Variants in OBSL1 observed in about 807,000 individuals in gnomAD.
OBSL1 encodes the protein obscurin like cytoskeletal adaptor 1.
A neutral mutation model predicts 172.0 loss-of-function variants in OBSL1; 160 were observed. The observed-to-expected ratio is 0.93, with a 90% CI of 0.82 to 1.06. OBSL1 has a LOEUF of 1.06. Among genes scored for constraint, OBSL1 ranks in the 50% least tolerant of loss-of-function variants. The probability of loss-of-function intolerance (pLI) is 0.00; values close to 1 mark genes in which losing one functional copy is unlikely to be tolerated. For missense variants in OBSL1, 2,681 were observed against 2,715.4 expected, an observed-to-expected ratio of 0.99 and a Z score of 0.28; for synonymous variants, 1,200 against 1,196.3, an observed-to-expected ratio of 1.00 and a Z score of -0.06.
At position 219,562,645 on chromosome 2, in the gene OBSL1, C is replaced by A; in HGVS notation, c.2710G>T (p.Gly904Cys). 3 of 1,567,532 alleles carry A rather than the reference C, an allele frequency of 1.9e-6. No individual in the cohort carries two copies. The highest frequency in any genetic ancestry group is 2.6e-6 in the Non-Finnish European group (3 of 1,157,088). The part of the protein sequence containing the change: ...DVSSWIVYPS[G>C]KVYVAAVRLE... ...CGCACGGCTGCCACATACACCTTGC[C>A]GCTGGGATACACGATCCACGAGGAG... is the stretch of plus-strand genomic sequence containing the variant. Residue 904 changes from glycine to cysteine, a missense_variant, in exon 8 of 21, where the codon GGC becomes TGC. Around this residue, in one of 5 missense-constraint regions of OBSL1, gnomAD observed 1,765 missense variants for 1,748.3 expected, o/e 1.01. Coordinates refer to ENST00000404537, the MANE Select transcript of OBSL1 (RefSeq NM_015311.3).
intron 17 of OBSL1, 58 bp from the exon 18 acceptor site, chr2:219,552,755 C>T (rs1695726339): frequency 2.0e-6 from 3 of 1,511,458 alleles, no homozygotes; most frequent in Admixed American, 2.0e-5. Context: ...CCGGTCACGC[C>T]CCCTCCACGC....
chr2:219,563,174 GA>G, intron 7 of OBSL1, 180 bp downstream of exon 7: 1 of 630,352 alleles, frequency 1.6e-6, no homozygotes, highest in South Asian at 2.4e-5. Context: ...ATGTGCTTAT[GA>G]TAACACGTTT....
At chr2:219,549,381 G>A (rs1372832041), downstream of OBSL1, 2 of 1,595,804 alleles carry the variant, frequency 1.3e-6, no homozygotes, top group Admixed American at 1.7e-5. Flanking sequence ...CATCCAGCCA[G>A]AATGAGAAGG....
chr2:219,553,860 G>A (rs1248456920), intron 15 of OBSL1, among the ~76,000 whole-genome samples, 174 bp from the exon 16 acceptor site: 1 of 151,318 alleles, frequency 6.6e-6, no homozygotes, highest in African/African-American at 2.4e-5. Flanking sequence ...TGGGGGGGAT[G>A]TAGGTGGGCA....
At chr2:219,570,115 C>T in intron 1 of OBSL1, 106 bp downstream of exon 1, 2 of 1,023,444 alleles carry the variant, frequency 2.0e-6, no homozygotes, top group Non-Finnish European at 2.7e-6. Context: ...CGCGGACCAC[C>T]TCTCCTCCAG....
At position 219,566,881 on chromosome 2, in the gene OBSL1, C is replaced by T; in HGVS notation, c.2083G>A (p.Val695Ile). The T allele has an allele frequency of 6.2e-7, 1 of 1,600,974 alleles. No homozygotes were observed. The highest frequency in any genetic ancestry group is 8.6e-7 in the Non-Finnish European group (1 of 1,169,080). Residue 695 changes from valine to isoleucine, a missense_variant, in exon 5 of 21, where the codon GTC becomes ATC. Physicochemically the swap from Val to Ile is conservative, Grantham distance 29. Transcript: ENST00000404537. The part of the protein sequence containing the change: ...AVKHQDSGAL[V>I]GFSCPGVQDS... Reference sequence around the variant, plus strand: ...TGCACGCCGGGGCAGCTGAAGCCGACCAGGGCACCGCTGTCCTGGTGCTTG... The same window carrying T: ...TGCACGCCGGGGCAGCTGAAGCCGATCAGGGCACCGCTGTCCTGGTGCTTG...
intron 7 of OBSL1, 63 bp from the exon 8 acceptor site, chr2:219,562,737 C>T (rs1218295767): frequency 8.1e-6 from 12 of 1,480,858 alleles, no homozygotes; most frequent in East Asian, 5.0e-5. Flanking sequence ...TCCCTGACCC[C>T]GTTGTGTTCC....
intron 8 of OBSL1, chr2:219,562,039 T>C: frequency 2.8e-6 from 2 of 716,586 alleles, no homozygotes; most frequent in Non-Finnish European, 5.2e-6. Context: ...ATGTGTGGAA[T>C]GCGCAGGGCC....
Position 219,559,516 on chromosome 2 carries a change from C to A in OBSL1, c.2954-19G>T. The A allele has an allele frequency of 6.3e-7, 1 of 1,597,462 alleles. No homozygotes were observed. The highest frequency in any genetic ancestry group is 1.3e-5 in the African/African-American group (1 of 74,780). ...GGGGGTTCTGCAGGGTGGGGACAAC[C>A]ACAGCCTGTCACAAGCTCACCGTCA... On this transcript the variant is annotated intron_variant, in intron 8 of 20. Transcript: ENST00000404537.
chr2:219,565,480 C>A lies in OBSL1; in HGVS notation c.2169G>T (p.Arg723Ser). ...SPVHILSPQD[R>S]VSLTFTTSER... ...CTGAGGTTGTGAAGGTCAACGACAC[C>A]CTGTCCTGGGGGCTCAGGATGTGCA... The change falls in exon 6 of 21, where the codon AGG (arginine) becomes AGT (serine). Residue 723 changes from arginine (R) to serine (S), a missense_variant. Arg to Ser is a moderately radical substitution (Grantham distance 110). Transcript: ENST00000404537. The A allele has an allele frequency of 6.2e-7, 1 of 1,611,990 alleles. No individual in the cohort carries two copies.
At position 219,557,997 on chromosome 2, in the gene OBSL1, A is replaced by C; in HGVS notation, c.3616T>G (p.Trp1206Gly). Residue 1206 changes from tryptophan (W) to glycine (G), a missense_variant, in exon 11 of 21, where the codon TGG becomes GGG. Trp to Gly is a radical substitution (Grantham distance 184). Around this residue, in one of 5 missense-constraint regions of OBSL1, gnomAD observed 1,765 missense variants for 1,748.3 expected, o/e 1.01. Coordinates refer to ENST00000404537, the MANE Select transcript of OBSL1 (RefSeq NM_015311.3). ...TGCACGGGCCTCCCATTGTGGCTCCAGACCACGGGGGCGCCAGCCCGGGAC... is the reference window on the plus strand; with the variant it reads ...TGCACGGGCCTCCCATTGTGGCTCCCGACCACGGGGGCGCCAGCCCGGGAC... ...ELSRAGAPVV[W>G]SHNGRPVQEG... The C allele has an allele frequency of 6.2e-7, 1 of 1,612,020 alleles. No homozygotes were observed. Among genetic ancestry groups the C allele is most frequent in the African/African-American group, 1.3e-5 (1 of 75,034 alleles).
intron 5 of OBSL1, 60 bp downstream of exon 5, chr2:219,566,770 G>T: frequency 6.8e-7 from 1 of 1,480,696 alleles, no homozygotes; most frequent in Non-Finnish European, 9.1e-7. Flanking sequence ...GCCTCGTTTT[G>T]CCAACAGGAC....
intron 15 of OBSL1, 92 bp from the exon 16 acceptor site, chr2:219,553,778 C>A: frequency 1.3e-6 from 1 of 766,520 alleles, no homozygotes; most frequent in South Asian, 1.5e-5. Context: ...GCACAACAGG[C>A]AGTAGAGGAC....
Position 219,558,256 on chromosome 2 carries a change from G to T in OBSL1, c.3430C>A (p.Gln1144Lys), listed in dbSNP as rs1303505194. Reference protein sequence around the residue: ...PTRTLTLPHAQPEDAGEYVCE... With the variant: ...PTRTLTLPHAKPEDAGEYVCE... ...ACATACTCCCCGGCGTCCTCAGGCT[G>T]GGCGTGGGGCAGGGTCAGGGTGCGG... The change falls in exon 10 of 21, where the codon CAG becomes AAG. Residue 1144 changes from glutamine to lysine, a missense_variant. Physicochemically the swap from Gln to Lys is moderately conservative, Grantham distance 53. This residue lies in a region of OBSL1 where 1,765 missense variants were observed against 1,748.3 expected (regional missense o/e 1.01). Coordinates refer to ENST00000404537, the MANE Select transcript of OBSL1 (RefSeq NM_015311.3). 4 of 1,610,750 alleles carry T rather than the reference G, an allele frequency of 2.5e-6. No individual in the cohort carries two copies. The highest frequency in any genetic ancestry group is 2.2e-5 in the South Asian group (2 of 90,450).
Position 219,568,594 on chromosome 2 carries a change from G to A in OBSL1, c.1013-270C>T, listed in dbSNP as rs186039177. Among the ~76,000 whole-genome samples, 13 of 152,250 alleles carry A rather than the reference G, an allele frequency of 8.5e-5. No homozygotes were observed. The East Asian group carries it at 2.5e-3, about 29-fold the overall frequency. On this transcript the variant is annotated intron_variant, in intron 1 of 20. Transcript: ENST00000404537. The surrounding 1 kb of genome is among the most constrained non-coding windows in gnomAD (Gnocchi z 4.1). ...TCCTTACTTGTAAAATGGGGAAAGG[G>A]AGAGAAGGGGTTGGACCAGATTGAT...
chr2:219,556,765 C>A, intron 12 of OBSL1, 42 bp from the exon 13 acceptor site: 1 of 1,526,356 alleles, frequency 6.6e-7, no homozygotes. Flanking sequence ...TGAGTCTTTT[C>A]TTCTCTCTCC....
rs1164004778 is a variant in OBSL1 at position 219,567,303 on chromosome 2, G to A, written c.1807C>T (p.His603Tyr). The A allele has an allele frequency of 6.2e-7, 1 of 1,602,670 alleles. No individual in the cohort carries two copies. The highest frequency in any genetic ancestry group is 8.5e-7 in the Non-Finnish European group (1 of 1,171,220). The change falls in exon 4 of 21, where the codon CAC becomes TAC. Residue 603 changes from histidine to tyrosine, a missense_variant. This residue lies in a region of OBSL1 where 53 missense variants were observed against 85.5 expected (regional missense o/e 0.62). Transcript: ENST00000404537. ...CTVSGHGRSP[H>Y]VVFHGSAHLV... ...TGAGCAGAACCGTGGAACACCACGTGGGGACTACGGCCATGTCCGCTGACT... is the reference window on the plus strand; with the variant it reads ...TGAGCAGAACCGTGGAACACCACGTAGGGACTACGGCCATGTCCGCTGACT...
chr2:219,567,187 G>A, intron 4 of OBSL1, 61 bp from the exon 5 acceptor site: 2 of 1,575,968 alleles, frequency 1.3e-6, no homozygotes, highest in South Asian at 1.2e-5. Flanking sequence ...GCAGAGGCTG[G>A]CGGATGGCAA....
Position 219,571,311 on chromosome 2 carries a change from G to C in OBSL1, c.-79C>G. ...GGAGGGCGAGCCGAGGCCCGGGGCG[G>C]CGGGGTCGGGGCGCGGCTGGGGACT... On this transcript the variant is annotated 5_prime_UTR_variant, in exon 1 of 21. Transcript: ENST00000404537. The C allele has an allele frequency of 1.1e-6, 1 of 950,998 alleles. No homozygotes were observed. Among genetic ancestry groups the C allele is most frequent in the Non-Finnish European group, 1.4e-6 (1 of 734,302 alleles). 58.9% of individuals were successfully genotyped at this position (950,998 alleles called of 1,614,324 possible).
Sources: gnomAD v4.1 joint callset for allele counts (sites outside exome capture counted in the v4.1 genomes callset) on GRCh38, gnomAD v4.1.1 for gene constraint, gnomAD v4.1.1 regional missense constraint, Gnocchi (gnomAD v3.1) non-coding constraint, MANE v1.5 for transcripts, NCBI Gene and HGNC (gene_info 2026-07-23, HGNC 2026-07-21) for gene names.